LIN52: variants seen among roughly 807,000 people sequenced by gnomAD.
LIN52 encodes the protein protein lin-52 homolog.
A neutral mutation model predicts 18.5 loss-of-function variants in LIN52; 4 were observed. The ratio of observed to expected loss-of-function variants is 0.22; its 90% CI spans 0.11 to 0.49. The LOEUF (loss-of-function observed/expected upper bound fraction) is 0.49, where lower values mean the gene tolerates loss of function less well. LIN52 is among the 20% of genes least tolerant of loss of function. The pLI is 0.97. For synonymous variants in LIN52, 34 were observed against 45.5 expected, an observed-to-expected ratio of 0.75 and a Z score of 1.02; for missense variants, 102 against 139.5, an observed-to-expected ratio of 0.73 and a Z score of 1.35.
chr14:74,128,016 G>A lies in LIN52; in HGVS notation c.283+26778G>A, dbSNP rs146620904. 2.1e-3 allele frequency among the ~76,000 whole-genome samples: 325 copies of A among 152,284 alleles called. 1 individual carries two copies. The highest frequency in any genetic ancestry group is 7.2e-3 in the African/African-American group (301 of 41,542). On this transcript the variant is annotated intron_variant, in intron 5 of 5. Coordinates refer to ENST00000555028, the MANE Select transcript of LIN52 (RefSeq NM_001024674.3). The stretch of plus-strand genomic sequence containing the variant: ...GGGACCTCTGCTTTTGGTCAACTTG[G>A]TATGTCAGGGACTAGATTCACCTTC...
chr14:74,086,656 G>A (rs28535082), intron 1 of LIN52, among the ~76,000 whole-genome samples: 26,015 of 148,648 alleles, frequency 0.18, 2,732 homozygotes, highest in East Asian at 0.58. Flanking sequence ...CCCCGTCTCA[G>A]AAAAAAAAGA....
chr14:74,112,711 G>T (rs1426570785), intron 5 of LIN52, among the ~76,000 whole-genome samples: 2 of 152,156 alleles, frequency 1.3e-5, no homozygotes, highest in Non-Finnish European at 2.9e-5. Context: ...AATAACAAAA[G>T]AATGAAGTGT....
At chr14:74,143,865 A>G (rs1264020365) in intron 5 of LIN52, among the ~76,000 whole-genome samples, 2 of 152,124 alleles carry the variant, frequency 1.3e-5, no homozygotes, top group African/African-American at 4.8e-5. Flanking sequence ...TGTGCAACAG[A>G]ACACCAGAAC....
chr14:74,166,313 T>A (rs1318102022), intron 5 of LIN52, among the ~76,000 whole-genome samples: 3 of 152,198 alleles, frequency 2.0e-5, no homozygotes, highest in Non-Finnish European at 4.4e-5. Flanking sequence ...GCCTCCTGAC[T>A]TCAAGCGATT....
At chr14:74,142,762 A>G (rs2061136979) in intron 5 of LIN52, among the ~76,000 whole-genome samples, 1 of 149,084 alleles carries the variant, frequency 6.7e-6, no homozygotes, top group African/African-American at 2.5e-5. Context: ...AGTAAAACAA[A>G]AACAAAAAAC....
At chr14:74,119,227 T>C (rs1595162010) in intron 5 of LIN52, among the ~76,000 whole-genome samples, 2 of 147,056 alleles carry the variant, frequency 1.4e-5, no homozygotes. Context: ...AGTGGCACCA[T>C]CTTGGCTCAC....
At chr14:74,166,859 G>T (rs2061251801) in intron 5 of LIN52, among the ~76,000 whole-genome samples, 1 of 152,252 alleles carries the variant, frequency 6.6e-6, no homozygotes, top group East Asian at 1.9e-4. Flanking sequence ...GTAGGTTTTG[G>T]TGGATGGAAT....
intron 5 of LIN52, among the ~76,000 whole-genome samples, chr14:74,169,528 T>C (rs958423563): frequency 1.3e-5 from 2 of 152,236 alleles, no homozygotes; most frequent in African/African-American, 2.4e-5. Flanking sequence ...AGGGATCTCA[T>C]TTCCATTGCC....
intron 5 of LIN52, among the ~76,000 whole-genome samples, chr14:74,157,465 T>A (rs557026696): frequency 1.3e-4 from 19 of 144,588 alleles, no homozygotes; most frequent in South Asian, 1.1e-3. Context: ...ATATATTTTT[T>A]AATTAATTTA....
rs565721894 is a variant in LIN52, at chr14:74,085,311, G to A, written c.19+318G>A. On this transcript the variant is annotated intron_variant, in intron 1 of 5. Transcript: ENST00000555028. The stretch of plus-strand genomic sequence containing the variant: ...GGGCGAGGCTGAGGGTCGAGGAGGA[G>A]ATGTTTCTGGAGGACGTGGCTTACT... 1.8e-5 allele frequency: 5 copies of A among 276,272 alleles called. No homozygotes were observed. The Admixed American group carries it at 2.7e-4, about 15-fold the overall frequency. The allele number at this position is 276,272 out of a possible 1,614,324, so 17.1% of individuals were successfully genotyped here.
intron 1 of LIN52, 81 bp from the exon 2 acceptor site, chr14:74,091,151 G>A (rs755635338): frequency 5.2e-5 from 52 of 997,130 alleles, no homozygotes; most frequent in Non-Finnish European, 7.6e-5. Flanking sequence ...GAGTGTTCCA[G>A]TTTATGTCCT....
At chr14:74,139,430 G>A (rs757663821) in intron 5 of LIN52, among the ~76,000 whole-genome samples, 8 of 152,208 alleles carry the variant, frequency 5.3e-5, no homozygotes, top group Non-Finnish European at 1.2e-4. Flanking sequence ...ACAGGTGCAT[G>A]TATGGACTTA....
At chr14:74,153,256 T>C (rs2061184634) in intron 5 of LIN52, among the ~76,000 whole-genome samples, 1 of 152,160 alleles carries the variant, frequency 6.6e-6, no homozygotes, top group East Asian at 1.9e-4. Flanking sequence ...GAGGATATGT[T>C]ATAATTTTAT....
intron 5 of LIN52, among the ~76,000 whole-genome samples, chr14:74,131,245 A>G (rs904422738): frequency 1.3e-5 from 2 of 152,058 alleles, no homozygotes; most frequent in Admixed American, 1.3e-4. Context: ...GTGTCAGCTT[A>G]GAATTCCTAA....
rs1054790849 is a variant in LIN52, at chr14:74,200,373, A to G, written c.*1396A>G. The G allele has an allele frequency of 2.9e-5, 4 of 136,134 alleles. No individual in the cohort carries two copies. The highest frequency in any genetic ancestry group is 1.1e-4 in the African/African-American group (4 of 35,728). The allele number at this position is 136,134 out of a possible 1,614,324, so 8.4% of individuals were successfully genotyped here. On this transcript the variant is annotated 3_prime_UTR_variant, in exon 6 of 6. Coordinates refer to ENST00000555028, the MANE Select transcript of LIN52 (RefSeq NM_001024674.3). ...GGTTGCAGTGAGCCGAAATTATGCC[A>G]CTGCACTCCAGCCTGGGCAACAGAG...
chr14:74,148,906 C>G (rs1050881304), intron 5 of LIN52, among the ~76,000 whole-genome samples: 4 of 152,340 alleles, frequency 2.6e-5, no homozygotes, highest in African/African-American at 9.6e-5. Flanking sequence ...AAGCCACCAT[C>G]AAGTGTCTGT....
chr14:74,173,265 G>T (rs1978262), intron 5 of LIN52, among the ~76,000 whole-genome samples: 74,589 of 151,896 alleles, frequency 0.49, 18,936 homozygotes, highest in Non-Finnish European at 0.53. Context: ...TCAGCTCGCC[G>T]CAACCTCTGC....
At chr14:74,134,420 CTTGT>C (rs1471510220) in intron 5 of LIN52, among the ~76,000 whole-genome samples, 7 of 152,106 alleles carry the variant, frequency 4.6e-5, no homozygotes, top group African/African-American at 1.7e-4. Context: ...CTTGGCCTCT[CTTGT>C]TTGTTTGAGA....
At position 74,117,021 on chromosome 14, in the gene LIN52, A is replaced by G. The variant is rs570867744; in HGVS notation, c.283+15783A>G. On this transcript the variant is annotated intron_variant, in intron 5 of 5. Transcript: ENST00000555028. Reference sequence around the variant, plus strand: ...AAAAAATAAGGAAAAGTTGTATGCCATTTTAGAAACAAAATTGTACTTAAA... The same window carrying G: ...AAAAAATAAGGAAAAGTTGTATGCCGTTTTAGAAACAAAATTGTACTTAAA... Among the ~76,000 whole-genome samples the G allele has an allele frequency of 5.9e-5, 9 of 152,340 alleles. No individual in the cohort carries two copies. The East Asian group carries it at 1.2e-3, about 20-fold the overall frequency.
Sources: allele counts gnomAD v4.1 joint callset (sites outside exome capture counted in the v4.1 genomes callset), GRCh38; gene constraint gnomAD v4.1.1; transcripts MANE v1.5; gene names NCBI Gene and HGNC (gene_info 2026-07-23, HGNC 2026-07-21).